ZDHHC14: variants seen among roughly 807,000 people sequenced by gnomAD.
ZDHHC14 encodes the protein palmitoyltransferase ZDHHC14.
Under a neutral mutation model 47.7 loss-of-function variants are expected in ZDHHC14, and 16 were observed. That is an observed-to-expected ratio of 0.34 (90% CI 0.23 to 0.51). The LOEUF (loss-of-function observed/expected upper bound fraction) is 0.51. Among genes scored for constraint, ZDHHC14 ranks in the 20% least tolerant of loss-of-function variants. The pLI is 0.97. For synonymous variants in ZDHHC14, 293 were observed against 278.9 expected, an observed-to-expected ratio of 1.05 and a Z score of -0.50; for missense variants, 515 against 662.5, an observed-to-expected ratio of 0.78 and a Z score of 2.44.
intron 2 of ZDHHC14, among the ~76,000 whole-genome samples, chr6:157,574,584 A>T (rs1269485049): frequency 6.6e-6 from 1 of 152,038 alleles, no homozygotes. Context: ...GCACCACAGA[A>T]ACTCCCCTGG....
chr6:157,515,136 G>A (rs945656648), intron 1 of ZDHHC14, among the ~76,000 whole-genome samples: 2 of 152,130 alleles, frequency 1.3e-5, no homozygotes, highest in African/African-American at 2.4e-5. Flanking sequence ...GAGCACTCAC[G>A]GGGAGAGAGA....
chr6:157,447,010 T>C (rs1778686850), intron 1 of ZDHHC14, among the ~76,000 whole-genome samples: 2 of 151,738 alleles, frequency 1.3e-5, no homozygotes, highest in Admixed American at 1.3e-4. Flanking sequence ...TCCCAGCTAG[T>C]TGGGAGGTTG....
In ZDHHC14 at chr6:157,673,501, A is replaced by C; in HGVS notation, c.*379A>C. ...TTATGTGTTATGCTACTAATATTTG[A>C]AACAGACCTGCCATTCCATTTGTTA... On this transcript the variant is annotated 3_prime_UTR_variant, in exon 9 of 9. Transcript: ENST00000359775. The surrounding 1 kb of genome is among the most constrained non-coding windows in gnomAD (Gnocchi z 5.4). 1 of 216,498 alleles carries C rather than the reference A, an allele frequency of 4.6e-6. No homozygotes were observed. The highest frequency in any genetic ancestry group is 5.9e-5 in the Admixed American group (1 of 16,980). The allele number at this position is 216,498 out of a possible 1,614,324, so 13.4% of individuals were successfully genotyped here. A position where few individuals can be genotyped will look rare whatever the true frequency, so the allele number is the denominator to read the frequency against.
chr6:157,668,999 C>G (rs1328042318), intron 8 of ZDHHC14, among the ~76,000 whole-genome samples: 1 of 152,158 alleles, frequency 6.6e-6, no homozygotes, highest in Non-Finnish European at 1.5e-5. Context: ...GAGAACGAGG[C>G]CTTGGAAAGA....
Position 157,397,700 on chromosome 6 carries a change from A to G in ZDHHC14, c.245+15434A>G, listed in dbSNP as rs191619601. On this transcript the variant is annotated intron_variant, in intron 1 of 8. Coordinates refer to ENST00000359775, the MANE Select transcript of ZDHHC14 (RefSeq NM_024630.3). ...ACAGGTTCTGGGGATTAGGATGTGG[A>G]TGTTTTTGGGGGAACGTTATTCTCC... Among the ~76,000 whole-genome samples the G allele has an allele frequency of 9.9e-4, 150 of 152,232 alleles. 2 individuals are homozygous for G. Among genetic ancestry groups the G allele is most frequent in the African/African-American group, 3.3e-3 (138 of 41,544 alleles).
At chr6:157,514,643 G>T (rs1014250107) in intron 1 of ZDHHC14, among the ~76,000 whole-genome samples, 8 of 152,214 alleles carry the variant, frequency 5.3e-5, no homozygotes, top group Non-Finnish European at 1.2e-4. Flanking sequence ...ACAGGCCCCT[G>T]AGGCAAGAGA....
intron 1 of ZDHHC14, among the ~76,000 whole-genome samples, chr6:157,385,429 A>G (rs1562404869): frequency 6.6e-6 from 1 of 152,254 alleles, no homozygotes; most frequent in Non-Finnish European, 1.5e-5. Flanking sequence ...ATTGTCAAAC[A>G]TTAGAATTGC....
intron 1 of ZDHHC14, among the ~76,000 whole-genome samples, chr6:157,445,415 C>T (rs373807395): frequency 6.6e-6 from 1 of 152,146 alleles, no homozygotes; most frequent in African/African-American, 2.4e-5. Flanking sequence ...GTCTTGCCTC[C>T]GTCTCATTCC....
At chr6:157,415,218 GT>G (rs1335945487) in intron 1 of ZDHHC14, among the ~76,000 whole-genome samples, 4 of 152,018 alleles carry the variant, frequency 2.6e-5, no homozygotes, top group Non-Finnish European at 5.9e-5. Flanking sequence ...GTTCTGGGCT[GT>G]GCTAGGCTCT....
intron 4 of ZDHHC14, chr6:157,629,832 T>C (rs1051242276): frequency 1.3e-5 from 2 of 152,112 alleles, no homozygotes; most frequent in African/African-American, 4.8e-5. Flanking sequence ...AAAATGTGGC[T>C]AGGGTCCTAT....
chr6:157,567,131 C>T (rs539145634), intron 2 of ZDHHC14, among the ~76,000 whole-genome samples: 17 of 152,186 alleles, frequency 1.1e-4, no homozygotes, highest in African/African-American at 4.1e-4. Flanking sequence ...AGATTACACG[C>T]GTGACCCAGC....
In ZDHHC14 at chr6:157,561,656, G is replaced by T. The variant is rs747549294; in HGVS notation, c.406+18911G>T. The stretch of plus-strand genomic sequence containing the variant: ...TCTCACCCAGACCTCTTGAATTGTT[G>T]AGTTGAATTTATTTATTTATTTGAG... On this transcript the variant is annotated intron_variant, in intron 2 of 8. Coordinates refer to ENST00000359775, the MANE Select transcript of ZDHHC14 (RefSeq NM_024630.3). Among the ~76,000 whole-genome samples, 4 of 152,182 alleles carry T rather than the reference G, an allele frequency of 2.6e-5. 1 individual carries two copies. The South Asian group carries it at 6.3e-4, about 24-fold the overall frequency.
At chr6:157,564,059 AT>A (rs1246252433) in intron 2 of ZDHHC14, among the ~76,000 whole-genome samples, 1 of 152,254 alleles carries the variant, frequency 6.6e-6, no homozygotes, top group Non-Finnish European at 1.5e-5. Context: ...TGGGCTGGAA[AT>A]TCAAAGAATG....
At chr6:157,521,332 G>C (rs1285213067) in intron 1 of ZDHHC14, among the ~76,000 whole-genome samples, 1 of 152,230 alleles carries the variant, frequency 6.6e-6, no homozygotes, top group Non-Finnish European at 1.5e-5. Context: ...CCTTGAGTGA[G>C]GGACTTGTGT....
chr6:157,508,334 T>C (rs1446767532), intron 1 of ZDHHC14, among the ~76,000 whole-genome samples: 3 of 152,184 alleles, frequency 2.0e-5, no homozygotes, highest in African/African-American at 7.2e-5. Flanking sequence ...GAAACTTCTT[T>C]TGTATCTGTA....
At chr6:157,648,146 C>A (rs1216434700) in intron 7 of ZDHHC14, among the ~76,000 whole-genome samples, 2 of 152,224 alleles carry the variant, frequency 1.3e-5, no homozygotes, top group Non-Finnish European at 2.9e-5. Flanking sequence ...AATACAGATT[C>A]TTTGTGAGTT....
intron 1 of ZDHHC14, among the ~76,000 whole-genome samples, chr6:157,469,951 A>G (rs533005949): frequency 2.1e-4 from 32 of 152,294 alleles, no homozygotes; most frequent in African/African-American, 7.0e-4. Flanking sequence ...GGCCAGAAGG[A>G]CCCAGGCCCA....
chr6:157,573,808 C>T (rs28589996), intron 2 of ZDHHC14, among the ~76,000 whole-genome samples: 6,419 of 152,268 alleles, frequency 0.042, 160 homozygotes, highest in Non-Finnish European at 0.056. Context: ...TGGTGCTCTA[C>T]TCCCAAGGAA....
chr6:157,460,798 G>A (rs1410367334), intron 1 of ZDHHC14, among the ~76,000 whole-genome samples: 1 of 152,186 alleles, frequency 6.6e-6, no homozygotes, highest in African/African-American at 2.4e-5. Flanking sequence ...GCTGGGGATG[G>A]GTTAGAGACA....
Sources: allele counts gnomAD v4.1 joint callset (sites outside exome capture counted in the v4.1 genomes callset), GRCh38; gene constraint gnomAD v4.1.1; non-coding constraint Gnocchi (gnomAD v3.1); transcripts MANE v1.5; gene names NCBI Gene and HGNC (gene_info 2026-07-23, HGNC 2026-07-21).